Variants in ARHGEF3 observed in about 807,000 individuals in gnomAD.
The protein encoded by ARHGEF3 is 59.8 kDA protein.
A neutral mutation model predicts 63.2 loss-of-function variants in ARHGEF3; 28 were observed. That is an observed-to-expected ratio of 0.44 (90% confidence interval 0.33 to 0.61). The LOEUF is 0.61. Among genes scored for constraint, ARHGEF3 ranks in the 20% least tolerant of loss-of-function variants. The pLI is 0.03. For synonymous variants in ARHGEF3, 266 were observed against 254.2 expected, an observed-to-expected ratio of 1.05 and a Z score of -0.44; for missense variants, 533 against 659.3, an observed-to-expected ratio of 0.81 and a Z score of 2.10.
intron 2 of ARHGEF3, among the ~76,000 whole-genome samples, chr3:57,033,611 A>G (rs1703825994): frequency 6.6e-6 from 1 of 152,148 alleles, no homozygotes; most frequent in African/African-American, 2.4e-5. Flanking sequence ...AAAGTTATGG[A>G]AGAAAATGTA....
At chr3:56,819,343 C>A (rs2038383107) in intron 4 of ARHGEF3, among the ~76,000 whole-genome samples, 1 of 152,192 alleles carries the variant, frequency 6.6e-6, no homozygotes, top group Non-Finnish European at 1.5e-5. Flanking sequence ...GTCCCTCCCT[C>A]ATCCTTCTCC....
chr3:56,965,088 A>C (rs973640341), intron 2 of ARHGEF3, among the ~76,000 whole-genome samples: 1 of 152,046 alleles, frequency 6.6e-6, no homozygotes, highest in East Asian at 1.9e-4. Context: ...CCAACTCTAC[A>C]AAAAAAATTT....
intron 9 of ARHGEF3, among the ~76,000 whole-genome samples, chr3:56,731,028 A>C (rs2033116927): frequency 1.3e-5 from 2 of 152,240 alleles, no homozygotes; most frequent in South Asian, 4.1e-4. Context: ...ATGAGGAATA[A>C]ATGTAATACA....
intron 7 of ARHGEF3, among the ~76,000 whole-genome samples, chr3:56,741,184 C>CTTTTT (rs10662620): frequency 3.9e-5 from 5 of 128,870 alleles, no homozygotes; most frequent in Admixed American, 1.7e-4. Context: ...TGCTTTGGTT[C>CTTTTT]TTTTTTTTTT....
chr3:56,949,859 C>T (rs1239894180), intron 3 of ARHGEF3, among the ~76,000 whole-genome samples: 1 of 152,050 alleles, frequency 6.6e-6, no homozygotes, highest in East Asian at 1.9e-4. Flanking sequence ...CTGGAGGCAT[C>T]ATGCTACCTC....
chr3:57,046,704 G>C (rs1704468609), intron 1 of ARHGEF3, among the ~76,000 whole-genome samples: 2 of 152,162 alleles, frequency 1.3e-5, no homozygotes, highest in South Asian at 4.1e-4. Flanking sequence ...TTGGTGGTCA[G>C]AGCCAAAGGA....
At chr3:56,757,476 GA>G (rs113675052) in intron 2 of ARHGEF3, among the ~76,000 whole-genome samples, 73 of 139,866 alleles carry the variant, frequency 5.2e-4, no homozygotes, top group South Asian at 4.9e-3. Flanking sequence ...CTCCGTCTCA[GA>G]AAAAAAAAAA....
intron 2 of ARHGEF3, among the ~76,000 whole-genome samples, chr3:56,985,410 T>C (rs1701495509): frequency 6.6e-6 from 1 of 152,222 alleles, no homozygotes; most frequent in African/African-American, 2.4e-5. Context: ...GGATTTTAAA[T>C]TGGAATACAC....
chr3:56,806,225 G>A (rs2037857695), upstream of ARHGEF3, among the ~76,000 whole-genome samples: 1 of 152,176 alleles, frequency 6.6e-6, no homozygotes, highest in Non-Finnish European at 1.5e-5. Flanking sequence ...CTATCTGGGG[G>A]TGTCCGTGAA....
At chr3:57,026,830 G>T (rs1282811446) in intron 2 of ARHGEF3, among the ~76,000 whole-genome samples, 1 of 152,144 alleles carries the variant, frequency 6.6e-6, no homozygotes, top group Non-Finnish European at 1.5e-5. Context: ...ACACTGCCAG[G>T]CCCTTAAGCC....
At chr3:56,870,592 A>G (rs1435978038) in intron 4 of ARHGEF3, among the ~76,000 whole-genome samples, 1 of 152,218 alleles carries the variant, frequency 6.6e-6, no homozygotes, top group Non-Finnish European at 1.5e-5. Flanking sequence ...ACAAAACCAC[A>G]AGTGAACTCT....
At chr3:57,005,738 G>A (rs906327209) in intron 2 of ARHGEF3, among the ~76,000 whole-genome samples, 1 of 152,116 alleles carries the variant, frequency 6.6e-6, no homozygotes, top group Non-Finnish European at 1.5e-5. Context: ...ATAAAGCTCC[G>A]TTCTCTAATA....
rs909180512 is a variant in ARHGEF3, at chr3:56,775,361, A to C, written c.97-1545T>G. 5 of 1,084,260 alleles carry C rather than the reference A, an allele frequency of 4.6e-6. No individual in the cohort carries two copies. The African/African-American group carries it at 8.3e-5, about 18-fold the overall frequency. The allele number at this position is 1,084,260 out of a possible 1,614,324, so 67.2% of individuals were successfully genotyped here. A position where few individuals can be genotyped will look rare whatever the true frequency, so the allele number is the denominator to read the frequency against. On this transcript the variant is annotated intron_variant, in intron 1 of 9. Transcript: ENST00000296315. ...ATAGACTGTCTCCAAGCTTTCCAGCATTTGCATATAAAAATTTAAAAACTT... is the reference window on the plus strand; with the variant it reads ...ATAGACTGTCTCCAAGCTTTCCAGCCTTTGCATATAAAAATTTAAAAACTT...
chr3:56,825,461 G>T (rs1044475975), intron 4 of ARHGEF3, among the ~76,000 whole-genome samples: 2 of 152,166 alleles, frequency 1.3e-5, no homozygotes, highest in African/African-American at 4.8e-5. Context: ...GTTCTTTTCT[G>T]CTGGGATTTG....
In ARHGEF3 at chr3:57,072,206, T is replaced by C. The variant is rs78654967; in HGVS notation, c.-28+7020A>G. On this transcript the variant is annotated intron_variant, in intron 1 of 12. Transcript: ENST00000338458. ...ACAGTGCAGCCACTTTGGAAACAGTTTGGCAGTTCCTCAAAATGTTAAGAG... is the reference window on the plus strand; with the variant it reads ...ACAGTGCAGCCACTTTGGAAACAGTCTGGCAGTTCCTCAAAATGTTAAGAG... 4.8e-4 allele frequency among the ~76,000 whole-genome samples: 73 copies of C among 152,288 alleles called. 1 individual carries two copies. In the East Asian group the frequency reaches 0.013, roughly 27 times the overall value.
chr3:56,752,694 C>T (rs981747191), intron 4 of ARHGEF3, among the ~76,000 whole-genome samples: 6 of 152,204 alleles, frequency 3.9e-5, no homozygotes, highest in African/African-American at 1.4e-4. Flanking sequence ...GGGAGTTAGA[C>T]ACCAGCATGA....
intron 2 of ARHGEF3, among the ~76,000 whole-genome samples, chr3:56,972,093 G>A (rs1700936795): frequency 6.6e-6 from 1 of 151,952 alleles, no homozygotes; most frequent in Non-Finnish European, 1.5e-5. Context: ...TCACATTTCT[G>A]TGTGTTGGTC....
At chr3:56,813,415 A>G (rs952184059) in intron 4 of ARHGEF3, among the ~76,000 whole-genome samples, 2 of 152,128 alleles carry the variant, frequency 1.3e-5, no homozygotes, top group South Asian at 2.1e-4. Flanking sequence ...AAAGGGAAAA[A>G]ATTCTGCAGA....
Position 56,967,914 on chromosome 3 carries a change from TAATA to T in ARHGEF3, c.63-9029_63-9026del, listed in dbSNP as rs1700652624. Among the ~76,000 whole-genome samples the T allele has an allele frequency of 5.7e-5, 4 of 70,550 alleles. 2 individuals are homozygous for T. Among genetic ancestry groups the T allele is most frequent in the African/African-American group, 2.3e-4 (4 of 17,478 alleles). The allele number at this position is 70,550 out of a possible 152,430, so 46.3% of individuals were successfully genotyped here. A position where few individuals can be genotyped will look rare whatever the true frequency, so the allele number is the denominator to read the frequency against. On this transcript the variant is annotated intron_variant, in intron 2 of 12. Coordinates refer to the ARHGEF3 transcript ENST00000338458. ...TAATATATAAATAATATATTATATA[TAATA>T]TATTATATATAATATAAAATATATT...
Sources: gnomAD v4.1 joint callset for allele counts (sites outside exome capture counted in the v4.1 genomes callset) on GRCh38, gnomAD v4.1.1 for gene constraint, MANE v1.5 for transcripts, NCBI Gene and HGNC (gene_info 2026-07-23, HGNC 2026-07-21) for gene names.